GRID2: variants seen among roughly 807,000 people sequenced by gnomAD.
The protein encoded by GRID2 is glutamate receptor ionotropic, delta-2.
Under a neutral mutation model 114.8 loss-of-function variants are expected in GRID2, and 33 were observed. The observed-to-expected ratio is 0.29, with a 90% CI of 0.22 to 0.38. GRID2 has a LOEUF of 0.38. Among genes scored for constraint, GRID2 ranks in the 10% least tolerant of loss-of-function variants. The pLI is 1.00. For synonymous variants in GRID2, 505 were observed against 449.9 expected, an observed-to-expected ratio of 1.12 and a Z score of -1.55; for missense variants, 1,184 against 1,257.7, an observed-to-expected ratio of 0.94 and a Z score of 0.89.
chr4:92,754,608 A>T (rs1383216649), intron 2 of GRID2, among the ~76,000 whole-genome samples: 1 of 152,166 alleles, frequency 6.6e-6, no homozygotes, highest in Non-Finnish European at 1.5e-5. Flanking sequence ...TCAGCGCCTG[A>T]CACAGTACAA....
At chr4:93,629,762 A>G (rs1743077791) in intron 14 of GRID2, among the ~76,000 whole-genome samples, 1 of 152,220 alleles carries the variant, frequency 6.6e-6, no homozygotes, top group Non-Finnish European at 1.5e-5. Flanking sequence ...TTACTTTAAT[A>G]TGTAATAAAT....
intron 2 of GRID2, among the ~76,000 whole-genome samples, chr4:92,687,085 G>A (rs1265147180): frequency 6.6e-6 from 1 of 151,844 alleles, no homozygotes; most frequent in African/African-American, 2.4e-5. Flanking sequence ...AGCATCATTT[G>A]CAAATCTTCC....
chr4:93,490,879 A>G (rs1426919332), intron 12 of GRID2, 102 bp downstream of exon 12: 25 of 751,588 alleles, frequency 3.3e-5, no homozygotes, highest in Non-Finnish European at 4.8e-5. Flanking sequence ...TAAATGTACA[A>G]CTTCTCTTTG....
chr4:93,100,130 A>C lies in GRID2; in HGVS notation c.530-10618A>C, dbSNP rs72887622. Among the ~76,000 whole-genome samples the C allele has an allele frequency of 2.5e-3, 375 of 152,056 alleles. 3 individuals are homozygous for C. The highest frequency in any genetic ancestry group is 8.4e-3 in the African/African-American group (351 of 41,546). ...TGCATTAGTATATATGATGTTAAGT[A>C]GGTAAAATTTATATATTCTACTGCT... On this transcript the variant is annotated intron_variant, in intron 3 of 15. Transcript: ENST00000282020.
At chr4:93,761,247 TG>T (rs1733181441) in intron 14 of GRID2, among the ~76,000 whole-genome samples, 1 of 152,220 alleles carries the variant, frequency 6.6e-6, no homozygotes, top group Admixed American at 6.5e-5. Flanking sequence ...TCACCATCTC[TG>T]GTTCTAAAAC....
Position 93,352,434 on chromosome 4 carries a change from A to G in GRID2, c.1246-43173A>G, listed in dbSNP as rs572941211. ...AGTACACAGAGTCAGAAACAGCTACATGTGAAAAATCACATAGTATTAACT... is the reference window on the plus strand; with the variant it reads ...AGTACACAGAGTCAGAAACAGCTACGTGTGAAAAATCACATAGTATTAACT... On this transcript the variant is annotated intron_variant, in intron 8 of 15. Coordinates refer to ENST00000282020, the MANE Select transcript of GRID2 (RefSeq NM_001510.4). 4.6e-5 allele frequency among the ~76,000 whole-genome samples: 7 copies of G among 152,054 alleles called. 1 individual carries two copies. The highest frequency in any genetic ancestry group is 1.3e-4 in the Admixed American group (2 of 15,208).
intron 13 of GRID2, among the ~76,000 whole-genome samples, chr4:93,526,922 T>C (rs1322299007): frequency 1.3e-5 from 2 of 152,228 alleles, no homozygotes; most frequent in Non-Finnish European, 2.9e-5. Context: ...CCATTTTGAC[T>C]TTTTAAAAAA....
chr4:93,210,859 T>G lies in GRID2; in HGVS notation c.789+3402T>G, dbSNP rs540235985. On this transcript the variant is annotated intron_variant, in intron 5 of 15. Transcript: ENST00000282020. ...TAATTATTTTCTAGATTACTTTTTT[T>G]GAAATAAGGATTCTTCTAATTTTTT... is the stretch of plus-strand genomic sequence containing the variant. Among the ~76,000 whole-genome samples the G allele has an allele frequency of 2.6e-5, 4 of 152,220 alleles. No homozygotes were observed. In the East Asian group the frequency reaches 7.7e-4, roughly 29 times the overall value.
intron 1 of GRID2, among the ~76,000 whole-genome samples, chr4:92,549,331 A>T (rs1215107931): frequency 6.6e-6 from 1 of 152,096 alleles, no homozygotes; most frequent in Non-Finnish European, 1.5e-5. Flanking sequence ...AGATATGGTT[A>T]CCCTCAGGGA....
chr4:93,581,579 G>A (rs575959182), intron 13 of GRID2, among the ~76,000 whole-genome samples: 5 of 152,174 alleles, frequency 3.3e-5, no homozygotes, highest in African/African-American at 9.6e-5. Flanking sequence ...AAACTAGAAA[G>A]GACCAAATGC....
intron 2 of GRID2, among the ~76,000 whole-genome samples, chr4:92,925,029 T>C (rs1307170377): frequency 6.6e-6 from 1 of 152,102 alleles, no homozygotes; most frequent in Non-Finnish European, 1.5e-5. Context: ...TGCCACATTT[T>C]AACATATGAA....
chr4:93,332,811 A>T (rs1236043757), intron 8 of GRID2, among the ~76,000 whole-genome samples: 2 of 152,002 alleles, frequency 1.3e-5, no homozygotes, highest in Non-Finnish European at 2.9e-5. Context: ...TAAAACTAAA[A>T]CTCCTAATGA....
At chr4:93,335,140 C>T (rs560772976) in intron 8 of GRID2, among the ~76,000 whole-genome samples, 14 of 152,214 alleles carry the variant, frequency 9.2e-5, no homozygotes, top group South Asian at 6.2e-4. Context: ...AACTGTGTGA[C>T]GCAGTGATTT....
chr4:92,801,257 G>T (rs1430951177), intron 2 of GRID2, among the ~76,000 whole-genome samples: 2 of 151,926 alleles, frequency 1.3e-5, no homozygotes, highest in Admixed American at 6.6e-5. Flanking sequence ...CATTTATCTT[G>T]TGGATAACTT....
At chr4:93,553,749 A>G (rs1419260493) in intron 13 of GRID2, among the ~76,000 whole-genome samples, 4 of 152,224 alleles carry the variant, frequency 2.6e-5, no homozygotes, top group African/African-American at 7.2e-5. Flanking sequence ...CTAACCTAGT[A>G]CATTTATGAG....
chr4:93,724,669 C>A (rs574860658), intron 14 of GRID2, among the ~76,000 whole-genome samples: 1 of 152,052 alleles, frequency 6.6e-6, no homozygotes, highest in African/African-American at 2.4e-5. Context: ...AAATAAGAGA[C>A]CGAGAGAGGA....
chr4:92,503,098 T>G (rs1350540896), intron 1 of GRID2, among the ~76,000 whole-genome samples: 1 of 152,154 alleles, frequency 6.6e-6, no homozygotes, highest in African/African-American at 2.4e-5. Context: ...ATCACAGTTT[T>G]ATGTAAACGC....
intron 2 of GRID2, among the ~76,000 whole-genome samples, chr4:92,611,131 C>A (rs1729722053): frequency 8.1e-6 from 1 of 124,088 alleles, no homozygotes; most frequent in African/African-American, 3.2e-5. Context: ...TGTGTGTGTG[C>A]ATGTGTGTGT....
chr4:93,611,936 A>T (rs983013007), intron 13 of GRID2, among the ~76,000 whole-genome samples: 7 of 147,802 alleles, frequency 4.7e-5, no homozygotes, highest in African/African-American at 7.5e-5. Flanking sequence ...CCCATTATTA[A>T]TGTGTGGGAG....
Sources: gnomAD v4.1 joint callset for allele counts (sites outside exome capture counted in the v4.1 genomes callset) on GRCh38, gnomAD v4.1.1 for gene constraint, MANE v1.5 for transcripts, NCBI Gene and HGNC (gene_info 2026-07-23, HGNC 2026-07-21) for gene names.